Variants in CNTNAP2 observed in about 807,000 individuals in gnomAD.
CNTNAP2 encodes contactin-associated protein-like 2.
A neutral mutation model predicts 155.2 loss-of-function variants in CNTNAP2; 98 were observed. The ratio of observed to expected loss-of-function variants is 0.63; its 90% CI spans 0.54 to 0.75. CNTNAP2 has a LOEUF of 0.75. CNTNAP2 is among the 30% of genes least tolerant of loss of function. The pLI is 0.00. For missense variants in CNTNAP2, 1,727 were observed against 1,688.1 expected, an observed-to-expected ratio of 1.02 and a Z score of -0.40; for synonymous variants, 651 against 631.2, an observed-to-expected ratio of 1.03 and a Z score of -0.47.
intron 1 of CNTNAP2, among the ~76,000 whole-genome samples, chr7:146,133,181 T>G (rs1797743420): frequency 6.6e-6 from 1 of 152,178 alleles, no homozygotes; most frequent in Non-Finnish European, 1.5e-5. Context: ...GAGCATTTTT[T>G]CATGTGTTTT....
intron 8 of CNTNAP2, among the ~76,000 whole-genome samples, chr7:147,209,021 A>G (rs1803081113): frequency 6.6e-6 from 1 of 151,942 alleles, no homozygotes; most frequent in African/African-American, 2.4e-5. Context: ...GTTTTTATGT[A>G]TATTGTGTTT....
intron 13 of CNTNAP2, among the ~76,000 whole-genome samples, chr7:147,882,323 G>A (rs770348778): frequency 3.3e-5 from 5 of 152,130 alleles, no homozygotes; most frequent in Non-Finnish European, 5.9e-5. Context: ...CTCACTCACT[G>A]ATCTCTATTT....
intron 2 of CNTNAP2, among the ~76,000 whole-genome samples, chr7:146,815,410 G>T (rs1803146648): frequency 6.6e-6 from 1 of 151,946 alleles, no homozygotes; most frequent in South Asian, 2.1e-4. Context: ...TTATTTCTTT[G>T]TAAAATATAG....
At chr7:146,339,474 G>A (rs1268429379) in intron 1 of CNTNAP2, among the ~76,000 whole-genome samples, 1 of 152,140 alleles carries the variant, frequency 6.6e-6, no homozygotes, top group East Asian at 1.9e-4. Flanking sequence ...ATTCATAGAG[G>A]AGGCTGAAGG....
At chr7:147,975,511 T>A (rs1313422222) in intron 14 of CNTNAP2, among the ~76,000 whole-genome samples, 1 of 152,150 alleles carries the variant, frequency 6.6e-6, no homozygotes, top group East Asian at 1.9e-4. Context: ...AAATTACCCA[T>A]ACTATCTTAT....
At chr7:146,782,934 T>G (rs540747933) in intron 2 of CNTNAP2, among the ~76,000 whole-genome samples, 9 of 152,354 alleles carry the variant, frequency 5.9e-5, no homozygotes, top group African/African-American at 2.2e-4. Context: ...TAAATTTGTG[T>G]ATTTGCCAAT....
In CNTNAP2 at chr7:147,132,474, C is replaced by T; in HGVS notation, c.1313C>T (p.Thr438Ile). The T allele has an allele frequency of 6.2e-7, 1 of 1,613,620 alleles. No individual in the cohort carries two copies. Among genetic ancestry groups the T allele is most frequent in the South Asian group, 1.1e-5 (1 of 91,086 alleles). ...AAAGTGGGTGTTCACATCAACATCACACAGACCAAGATGAGCCAAATCGAT... is the reference window on the plus strand; with the variant it reads ...AAAGTGGGTGTTCACATCAACATCATACAGACCAAGATGAGCCAAATCGAT... Reference protein sequence around the residue: ...ESKVGVHINITQTKMSQIDIS... With the variant: ...ESKVGVHINIIQTKMSQIDIS... The change falls in exon 8 of 24, where the codon ACA (threonine) becomes ATA (isoleucine). Residue 438 changes from threonine to isoleucine, a missense_variant. Coordinates refer to ENST00000361727, the MANE Select transcript of CNTNAP2 (RefSeq NM_014141.6).
In CNTNAP2 at chr7:147,346,042, C is replaced by T. The variant is rs144844716; in HGVS notation, c.1498+45752C>T. On this transcript the variant is annotated intron_variant, in intron 9 of 23. Coordinates refer to ENST00000361727, the MANE Select transcript of CNTNAP2 (RefSeq NM_014141.6). Reference sequence around the variant, plus strand: ...AGAAATATTTTTGATAGCTGCAAAACGTATTACATTTCTACAAAGGAAAAC... The same window carrying T: ...AGAAATATTTTTGATAGCTGCAAAATGTATTACATTTCTACAAAGGAAAAC... 4.9e-4 allele frequency among the ~76,000 whole-genome samples: 75 copies of T among 152,178 alleles called. 1 individual carries two copies. The East Asian group carries it at 0.01, about 20-fold the overall frequency.
chr7:146,625,315 G>T (rs1430945193), intron 1 of CNTNAP2, among the ~76,000 whole-genome samples: 3 of 151,668 alleles, frequency 2.0e-5, no homozygotes, highest in African/African-American at 7.3e-5. Context: ...TGAAGGGATA[G>T]AGATGCATAA....
At chr7:148,129,826 A>G (rs888164699) in intron 16 of CNTNAP2, among the ~76,000 whole-genome samples, 4 of 152,214 alleles carry the variant, frequency 2.6e-5, no homozygotes, top group African/African-American at 7.2e-5. Flanking sequence ...AGTGTGGCTT[A>G]CCACCTCCCA....
At chr7:147,976,406 T>TAA (rs953474955) in intron 14 of CNTNAP2, among the ~76,000 whole-genome samples, 6 of 152,116 alleles carry the variant, frequency 3.9e-5, no homozygotes, top group African/African-American at 1.5e-4. Flanking sequence ...ATAAGACTTC[T>TAA]AATAAAAGAG....
At chr7:146,382,556 T>C (rs1198909381) in intron 1 of CNTNAP2, among the ~76,000 whole-genome samples, 1 of 152,194 alleles carries the variant, frequency 6.6e-6, no homozygotes, top group Non-Finnish European at 1.5e-5. Context: ...CTTTATAAAG[T>C]ACATATAATT....
intron 22 of CNTNAP2, among the ~76,000 whole-genome samples, chr7:148,405,508 A>G (rs1466641574): frequency 1.5e-5 from 2 of 129,754 alleles, no homozygotes; most frequent in Non-Finnish European, 3.1e-5. Flanking sequence ...GCTCGCTACA[A>G]CCTCCGCCTC....
chr7:146,315,644 A>G (rs1420962662), intron 1 of CNTNAP2, among the ~76,000 whole-genome samples: 2 of 152,066 alleles, frequency 1.3e-5, no homozygotes, highest in African/African-American at 2.4e-5. Context: ...CCTGTGTTGA[A>G]TATTTTTGAC....
At chr7:148,213,314 A>G (rs778404464) in intron 18 of CNTNAP2, among the ~76,000 whole-genome samples, 2 of 152,154 alleles carry the variant, frequency 1.3e-5, no homozygotes, top group East Asian at 1.9e-4. Context: ...TCAGCTCTAC[A>G]TGCTCTCTGA....
chr7:146,132,060 A>G (rs1482760257), intron 1 of CNTNAP2, among the ~76,000 whole-genome samples: 1 of 152,244 alleles, frequency 6.6e-6, no homozygotes, highest in Admixed American at 6.5e-5. Context: ...AATCTCAGGT[A>G]GATTCTTTAT....
At chr7:147,883,111 C>A (rs894517542) in intron 13 of CNTNAP2, among the ~76,000 whole-genome samples, 2 of 152,092 alleles carry the variant, frequency 1.3e-5, no homozygotes, top group African/African-American at 4.8e-5. Context: ...TGAGTGTTGG[C>A]TATACCAGGG....
At chr7:148,389,284 G>A (rs1314536340) in intron 22 of CNTNAP2, among the ~76,000 whole-genome samples, 1 of 152,142 alleles carries the variant, frequency 6.6e-6, no homozygotes, top group African/African-American at 2.4e-5. Context: ...ATGGGGGCAG[G>A]TCTTTCCATG....
intron 1 of CNTNAP2, among the ~76,000 whole-genome samples, chr7:146,306,308 A>G (rs1450001293): frequency 6.6e-6 from 1 of 152,152 alleles, no homozygotes; most frequent in Non-Finnish European, 1.5e-5. Context: ...GCTGAATTCT[A>G]CCAGAGGGAC....
Sources: gnomAD v4.1 joint callset for allele counts (sites outside exome capture counted in the v4.1 genomes callset) on GRCh38, gnomAD v4.1.1 for gene constraint, MANE v1.5 for transcripts, NCBI Gene and HGNC (gene_info 2026-07-23, HGNC 2026-07-21) for gene names.